Variants in CCSER1 observed in about 807,000 individuals in gnomAD.
CCSER1 encodes serine-rich coiled-coil domain-containing protein 1.
CCSER1 carries 41 observed loss-of-function variants against 82.0 expected under a neutral mutation model. The ratio of observed to expected loss-of-function variants is 0.50; its 90% CI spans 0.39 to 0.65. CCSER1 has a LOEUF of 0.65. CCSER1 is among the 30% of genes least tolerant of loss of function. The pLI, the probability that CCSER1 is intolerant of heterozygous loss-of-function variation, is 0.00. For synonymous variants in CCSER1, 414 were observed against 383.9 expected (o/e 1.08, Z -0.92); for missense variants, 1,119 against 1,064.2 (o/e 1.05, Z -0.72).
Position 91,602,151 on chromosome 4 carries a change from A to G in CCSER1, c.*3094A>G, listed in dbSNP as rs897609190. Reference sequence around the variant, plus strand: ...TTATTTTTGTTATCTAATGATTGACATGAAAATAAAATAGTAAGCCAATAT... The same window carrying G: ...TTATTTTTGTTATCTAATGATTGACGTGAAAATAAAATAGTAAGCCAATAT... On this transcript the variant is annotated 3_prime_UTR_variant, in exon 11 of 11. Coordinates refer to ENST00000509176, the MANE Select transcript of CCSER1 (RefSeq NM_001145065.2). Among the ~76,000 whole-genome samples the G allele has an allele frequency of 2.0e-5, 3 of 152,062 alleles. No homozygotes were observed. The highest frequency in any genetic ancestry group is 7.2e-5 in the African/African-American group (3 of 41,446).
chr4:91,100,060 G>T (rs895381209), intron 10 of CCSER1, among the ~76,000 whole-genome samples: 3 of 152,042 alleles, frequency 2.0e-5, no homozygotes, highest in African/African-American at 7.2e-5. Context: ...TCCTTGTCTT[G>T]TAATGTTATG....
intron 10 of CCSER1, among the ~76,000 whole-genome samples, chr4:91,467,470 G>A (rs1279869097): frequency 4.6e-5 from 7 of 152,138 alleles, no homozygotes; most frequent in Non-Finnish European, 1.0e-4. Flanking sequence ...AAAACCAAAA[G>A]CAATGGCAAC....
chr4:91,595,422 T>C (rs1764517901), intron 10 of CCSER1, among the ~76,000 whole-genome samples: 2 of 152,172 alleles, frequency 1.3e-5, no homozygotes, highest in African/African-American at 4.8e-5. Context: ...CTTTTTAAAA[T>C]AGAGATAAAA....
chr4:90,357,075 A>G (rs1744493674), intron 3 of CCSER1, among the ~76,000 whole-genome samples: 1 of 151,960 alleles, frequency 6.6e-6, no homozygotes, highest in Admixed American at 6.6e-5. Context: ...ATAGAAAAAG[A>G]AATAATTGGA....
chr4:91,355,987 C>A (rs1000246653), intron 10 of CCSER1, among the ~76,000 whole-genome samples: 6 of 152,216 alleles, frequency 3.9e-5, no homozygotes, highest in African/African-American at 9.7e-5. Context: ...GTTAGTCTAA[C>A]ATTCATTGGC....
intron 1 of CCSER1, among the ~76,000 whole-genome samples, chr4:90,247,691 C>T (rs72877723): frequency 0.045 from 6,870 of 151,868 alleles, 407 homozygotes; most frequent in African/African-American, 0.14. Flanking sequence ...CCAGACTAAA[C>T]GTATAATTAG....
intron 8 of CCSER1, among the ~76,000 whole-genome samples, chr4:90,882,896 A>T (rs942694511): frequency 2.6e-5 from 4 of 152,124 alleles, no homozygotes; most frequent in Non-Finnish European, 5.9e-5. Flanking sequence ...GGCAGTATTT[A>T]TCAAGCGCTT....
At chr4:90,445,672 A>G (rs1578500250) in intron 4 of CCSER1, among the ~76,000 whole-genome samples, 1 of 152,224 alleles carries the variant, frequency 6.6e-6, no homozygotes, top group Non-Finnish European at 1.5e-5. Context: ...AACCTTTTGA[A>G]GAGAGGCCTA....
intron 8 of CCSER1, among the ~76,000 whole-genome samples, chr4:90,816,113 A>G (rs528872039): frequency 1.6e-4 from 25 of 152,216 alleles, no homozygotes; most frequent in African/African-American, 4.8e-4. Context: ...GGTTGTATCT[A>G]TCAGAAATCT....
chr4:91,027,077 A>G (rs1054393859), intron 9 of CCSER1, among the ~76,000 whole-genome samples: 1 of 152,106 alleles, frequency 6.6e-6, no homozygotes, highest in Non-Finnish European at 1.5e-5. Flanking sequence ...AACAAGTGTT[A>G]TTAGTAACTA....
chr4:91,425,977 T>A (rs1487280294), intron 10 of CCSER1, among the ~76,000 whole-genome samples: 1 of 152,142 alleles, frequency 6.6e-6, no homozygotes, highest in African/African-American at 2.4e-5. Flanking sequence ...CCATGGTGGT[T>A]TGCTGCACCC....
intron 10 of CCSER1, among the ~76,000 whole-genome samples, chr4:91,213,976 G>T (rs1461840068): frequency 6.6e-6 from 1 of 152,044 alleles, no homozygotes; most frequent in Non-Finnish European, 1.5e-5. Flanking sequence ...GTCTGTTTGG[G>T]TTATAAATAA....
chr4:91,083,302 A>G (rs1722994676), intron 9 of CCSER1, among the ~76,000 whole-genome samples: 1 of 152,138 alleles, frequency 6.6e-6, no homozygotes, highest in South Asian at 2.1e-4. Context: ...TGAGCAAACT[A>G]TGGCAAGGAC....
chr4:91,140,861 G>C lies in CCSER1; in HGVS notation c.2217+54867G>C, dbSNP rs143128014. Among the ~76,000 whole-genome samples, 43 of 152,092 alleles carry C rather than the reference G, an allele frequency of 2.8e-4. No homozygotes were observed. The East Asian group carries it at 7.0e-3, about 25-fold the overall frequency. ...GGGTACTTGTCCAGTTTTGATGCAG[G>C]CATATATTGCACAATGCTGAGGTTT... On this transcript the variant is annotated intron_variant, in intron 10 of 10. Coordinates refer to ENST00000509176, the MANE Select transcript of CCSER1 (RefSeq NM_001145065.2).
chr4:90,788,260 T>C (rs755596603), intron 7 of CCSER1, among the ~76,000 whole-genome samples: 1 of 152,288 alleles, frequency 6.6e-6, no homozygotes, highest in Non-Finnish European at 1.5e-5. Flanking sequence ...AGATATCAAC[T>C]CAATTACTTA....
intron 10 of CCSER1, among the ~76,000 whole-genome samples, chr4:91,139,498 T>C (rs765244696): frequency 3.3e-5 from 5 of 152,138 alleles, no homozygotes; most frequent in Non-Finnish European, 4.4e-5. Context: ...TTAGCAGATA[T>C]TGAACAAAAA....
intron 7 of CCSER1, among the ~76,000 whole-genome samples, chr4:90,797,963 T>G (rs969670601): frequency 6.6e-6 from 1 of 152,176 alleles, no homozygotes. Context: ...GGGGATGATC[T>G]TCTTATAAAA....
chr4:90,807,564 C>T (rs1432384912), intron 7 of CCSER1, among the ~76,000 whole-genome samples: 1 of 151,716 alleles, frequency 6.6e-6, no homozygotes, highest in Non-Finnish European at 1.5e-5. Context: ...AAAGCAACTC[C>T]ATCTCAACAA....
chr4:90,158,357 C>T (rs1414412036), intron 1 of CCSER1, among the ~76,000 whole-genome samples: 5 of 152,164 alleles, frequency 3.3e-5, no homozygotes, highest in Admixed American at 6.5e-5. Context: ...GCCGTCTGCC[C>T]GTTCTCAGAT....
Sources: gnomAD v4.1 joint callset for allele counts (sites outside exome capture counted in the v4.1 genomes callset) on GRCh38, gnomAD v4.1.1 for gene constraint, MANE v1.5 for transcripts, NCBI Gene and HGNC (gene_info 2026-07-23, HGNC 2026-07-21) for gene names.